Variants in HLA-B observed in about 807,000 individuals in gnomAD.
HLA-B encodes HLA class I antigen HLA-B.
A neutral mutation model predicts 41.5 loss-of-function variants in HLA-B; 31 were observed. The observed-to-expected ratio is 0.75, with a 90% CI of 0.56 to 1.01. The LOEUF is 1.01. Among genes scored for constraint, HLA-B ranks in the 50% least tolerant of loss-of-function variants. The pLI is 0.00. For missense variants in HLA-B, 369 were observed against 457.2 expected, an observed-to-expected ratio of 0.81 and a Z score of 1.76; for synonymous variants, 138 against 189.0, an observed-to-expected ratio of 0.73 and a Z score of 2.21.
chr6:31,354,515 C>T lies in HLA-B; in HGVS notation c.1057G>A (p.Ala353Thr). Residue 353 changes from alanine to threonine, a missense_variant, in exon 7 of 8, where the codon GCC (alanine) becomes ACC (threonine). Physicochemically the swap from Ala to Thr is moderately conservative, Grantham distance 58. Coordinates refer to ENST00000412585, the MANE Select transcript of HLA-B (RefSeq NM_005514.8). ...GTGAGAGACACATCAGAGCCCTGGG[C>T]ACTGTCGCTGCCTGGAGTAGAACAA... Reference protein sequence around the residue: ...SYSQAACSDSAQGSDVSLTA With the variant: ...SYSQAACSDSTQGSDVSLTA The T allele has an allele frequency of 7.7e-7, 1 of 1,296,726 alleles. No homozygotes were observed. The highest frequency in any genetic ancestry group is 1.0e-6 in the Non-Finnish European group (1 of 993,000). The allele number at this position is 1,296,726 out of a possible 1,614,324, so 80.3% of individuals were successfully genotyped here.
intron 7 of HLA-B, 42 bp from the exon 8 acceptor site, chr6:31,354,338 G>A: frequency 1.9e-6 from 1 of 533,996 alleles, no homozygotes; most frequent in Non-Finnish European, 3.5e-6. Flanking sequence ...GGTTAGTCAT[G>A]GTAAGCGATG....
chr6:31,354,440 A>AACCCCCCCCCCC, intron 7 of HLA-B, 39 bp downstream of exon 7: 2 of 308,260 alleles, frequency 6.5e-6, no homozygotes, highest in Non-Finnish European at 1.1e-5. Context: ...CCACCCCCAG[A>AACCCCCCCCCCC]CCCGCCACCC....
chr6:31,354,149 G>A lies in HLA-B; in HGVS notation c.*152C>T. On this transcript the variant is annotated 3_prime_UTR_variant, in exon 8 of 8. Transcript: ENST00000412585. ...GTCACAGTGGACACAAGGGTGGGCT[G>A]TCTCTCCACCTCCTCACATTATGCT... 4.1e-6 allele frequency: 2 copies of A among 484,084 alleles called. No homozygotes were observed. Among genetic ancestry groups the A allele is most frequent in the South Asian group, 3.9e-5 (2 of 51,774 alleles). The allele number at this position is 484,084 out of a possible 1,614,324, so 30.0% of individuals were successfully genotyped here.
At position 31,355,585 on chromosome 6, in the gene HLA-B, T is replaced by TGG; in HGVS notation, c.625_626dup (p.Lys210GlnfsTer5). 7.3e-7 allele frequency: 1 copy of TGG among 1,377,382 alleles called. No individual in the cohort carries two copies. The highest frequency in any genetic ancestry group is 9.8e-7 in the Non-Finnish European group (1 of 1,016,620). The allele number at this position is 1,377,382 out of a possible 1,614,324, so 85.3% of individuals were successfully genotyped here. A position where few individuals can be genotyped will look rare whatever the true frequency, so the allele number is the denominator to read the frequency against. On this transcript the variant is annotated frameshift_variant, in exon 4 of 8. Transcript: ENST00000412585. LOFTEE classifies it high-confidence loss of function. ...TGGGGTGGTGGGTCACGTGTGTCTTTGGGGGGTCTGATGGGAAGAGTCAGA... is the reference window on the plus strand; with the variant it reads ...TGGGGTGGTGGGTCACGTGTGTCTTTGGGGGGGGTCTGATGGGAAGAGTCAGA...
At position 31,357,162 on chromosome 6, in the gene HLA-B, G is replaced by C. The variant is rs190427310; in HGVS notation, c.-4C>G. On this transcript the variant is annotated 5_prime_UTR_variant, in exon 1 of 8. Coordinates refer to ENST00000412585, the MANE Select transcript of HLA-B (RefSeq NM_005514.8). ...TTCGGGGCGCCATGACCAGCATCTC[G>C]GCGTCTGAGGAGACTCTGAGTCCGG... 8.6e-3 allele frequency: 7,484 copies of C among 871,926 alleles called. 3,192 individuals carry two copies. The Admixed American group carries it at 0.24, about 28-fold the overall frequency. The allele number at this position is 871,926 out of a possible 1,614,324, so 54.0% of individuals were successfully genotyped here.
intron 3 of HLA-B, 159 bp from the exon 4 acceptor site, chr6:31,355,751 C>T: frequency 4.2e-6 from 3 of 711,542 alleles, no homozygotes; most frequent in Non-Finnish European, 7.2e-6. Context: ...GGATAATCTC[C>T]TATTCATTGG....
intron 5 of HLA-B, 49 bp downstream of exon 5, chr6:31,355,058 C>G (rs553106362): frequency 1.5e-6 from 1 of 675,348 alleles, no homozygotes; most frequent in African/African-American, 3.6e-5. Context: ...GGCTTGAAAC[C>G]CCCAGTGGGA....
intron 2 of HLA-B, 35 bp downstream of exon 2, chr6:31,356,653 A>AGGT: frequency 7.2e-7 from 1 of 1,380,428 alleles, no homozygotes; most frequent in Non-Finnish European, 9.7e-7. Context: ...GGGGATGGGG[A>AGGT]GTCGTGACCT....
In HLA-B at chr6:31,355,144, A is replaced by G. The variant is rs753723124; in HGVS notation, c.975T>C (p.Ala325=). 308 of 1,170,722 alleles carry G rather than the reference A, an allele frequency of 2.6e-4. 58 individuals carry two copies. Among genetic ancestry groups the G allele is most frequent in the Non-Finnish European group, 3.2e-4 (294 of 917,266 alleles). 72.5% of individuals were successfully genotyped at this position (1,170,722 alleles called of 1,614,324 possible). ...LAVLAVVVIG[A]VVAAVMCRRK... is the part of the protein sequence containing the mutation. The stretch of plus-strand genomic sequence containing the variant: ...TCCTACACATCACAGCAGCGACCAC[A>G]GCTCCGATGACCACAACTGCTAGGA... Residue 325 remains alanine (A), a synonymous_variant, in exon 5 of 8, where the codon GCT becomes GCC. Transcript: ENST00000412585.
At position 31,354,930 on chromosome 6, in the gene HLA-B, C is replaced by T. The variant is rs41552719; in HGVS notation, c.1012+177G>A. On this transcript the variant is annotated intron_variant, in intron 5 of 7. Transcript: ENST00000412585. Reference sequence around the variant, plus strand: ...CAACCATCAAGGTGATACATCCATCCTTCATTGTCACATGTGCTGCACAAA... The same window carrying T: ...CAACCATCAAGGTGATACATCCATCTTTCATTGTCACATGTGCTGCACAAA... 116 of 323,568 alleles carry T rather than the reference C, an allele frequency of 3.6e-4. 3 individuals are homozygous for T. The Middle Eastern group carries it at 4.3e-3, about 12-fold the overall frequency. The allele number at this position is 323,568 out of a possible 1,614,324, so 20.0% of individuals were successfully genotyped here.
At chr6:31,354,334 T>C (rs1766683413) in intron 7 of HLA-B, 38 bp from the exon 8 acceptor site, 2 of 534,578 alleles carry the variant, frequency 3.7e-6, no homozygotes, top group Admixed American at 5.4e-5. Context: ...TTCTGGTTAG[T>C]CATGGTAAGC....
chr6:31,354,193 T>C lies in HLA-B; in HGVS notation c.*108A>G. The C allele has an allele frequency of 1.7e-6, 1 of 596,768 alleles. No individual in the cohort carries two copies. The highest frequency in any genetic ancestry group is 3.4e-5 in the East Asian group (1 of 29,476). 37.0% of individuals were successfully genotyped at this position (596,768 alleles called of 1,614,324 possible). A position where few individuals can be genotyped will look rare whatever the true frequency, so the allele number is the denominator to read the frequency against. Reference sequence around the variant, plus strand: ...TTATGCTAACAGGGACGCAGACACATTCAGGTGCCTTTGCAGAAAGAGATG... The same window carrying C: ...TTATGCTAACAGGGACGCAGACACACTCAGGTGCCTTTGCAGAAAGAGATG... On this transcript the variant is annotated 3_prime_UTR_variant, in exon 8 of 8. Coordinates refer to ENST00000412585, the MANE Select transcript of HLA-B (RefSeq NM_005514.8).
rs777960981 is a variant in HLA-B, at chr6:31,354,690, G to A, written c.1013-25C>T. 7 of 1,223,892 alleles carry A rather than the reference G, an allele frequency of 5.7e-6. 1 individual carries two copies. The African/African-American group carries it at 1.2e-4, about 21-fold the overall frequency. The allele number at this position is 1,223,892 out of a possible 1,614,324, so 75.8% of individuals were successfully genotyped here. A position where few individuals can be genotyped will look rare whatever the true frequency, so the allele number is the denominator to read the frequency against. ...CCTGTGGGAAGAAAATGTCCTGTGA[G>A]GGCACTGGGAGGAAGCAGGGCCATG... is the stretch of plus-strand genomic sequence containing the variant. On this transcript the variant is annotated intron_variant, in intron 5 of 7. Transcript: ENST00000412585.
At chr6:31,355,816 G>A in intron 3 of HLA-B, 1 of 668,642 alleles carries the variant, frequency 1.5e-6, no homozygotes, top group Non-Finnish European at 2.7e-6. Flanking sequence ...TCTGAGTGGA[G>A]GTAAAGTGAC....
intron 7 of HLA-B, 47 bp downstream of exon 7, chr6:31,354,431 CA>C (rs1766702277): frequency 1.6e-3 from 574 of 361,740 alleles, no homozygotes; most frequent in South Asian, 2.7e-3. Context: ...CTGCCCCACC[CA>C]CCCCCAGACC....
At position 31,355,582 on chromosome 6, in the gene HLA-B, CT is replaced by C; in HGVS notation, c.629del (p.Lys210ArgfsTer4). 1 of 1,381,122 alleles carries C rather than the reference CT, an allele frequency of 7.2e-7. No individual in the cohort carries two copies. 85.6% of individuals were successfully genotyped at this position (1,381,122 alleles called of 1,614,324 possible). A position where few individuals can be genotyped will look rare whatever the true frequency, so the allele number is the denominator to read the frequency against. ...AGATGGGGTGGTGGGTCACGTGTGTCTTTGGGGGGTCTGATGGGAAGAGTCA... is the reference window on the plus strand; with the variant it reads ...AGATGGGGTGGTGGGTCACGTGTGTCTTGGGGGGTCTGATGGGAAGAGTCA... ...KDKLERADPP[K>X]THVTHHPISD... On this transcript the variant is annotated frameshift_variant, in exon 4 of 8. Coordinates refer to ENST00000412585, the MANE Select transcript of HLA-B (RefSeq NM_005514.8). LOFTEE classifies it high-confidence loss of function.
At chr6:31,356,096 T>TTC in intron 3 of HLA-B, 71 bp downstream of exon 3, 1 of 1,264,886 alleles carries the variant, frequency 7.9e-7, no homozygotes, top group Non-Finnish European at 1.0e-6. Flanking sequence ...CCCATTTTCC[T>TTC]CCTCTTCTCG....
chr6:31,357,139 C>CG lies in HLA-B; in HGVS notation c.19dup (p.Arg7ProfsTer92). On this transcript the variant is annotated frameshift_variant, in exon 1 of 8. Coordinates refer to ENST00000412585, the MANE Select transcript of HLA-B (RefSeq NM_005514.8). LOFTEE classifies it high-confidence loss of function. ...CGCCGAGAGCAGCAGGAGGACGGTT[C>CG]GGGGCGCCATGACCAGCATCTCGGC... 1.1e-6 allele frequency: 1 copy of CG among 884,664 alleles called. No homozygotes were observed. The highest frequency in any genetic ancestry group is 1.5e-6 in the Non-Finnish European group (1 of 687,334). The allele number at this position is 884,664 out of a possible 1,614,324, so 54.8% of individuals were successfully genotyped here.
In HLA-B at chr6:31,356,959, T is replaced by TG. The variant is rs371250843; in HGVS notation, c.74-3dup. The TG allele has an allele frequency of 2.1e-6, 2 of 955,864 alleles. No individual in the cohort carries two copies. Among genetic ancestry groups the TG allele is most frequent in the African/African-American group, 3.0e-5 (1 of 33,114 alleles). 59.2% of individuals were successfully genotyped at this position (955,864 alleles called of 1,614,324 possible). On this transcript the variant is annotated splice_region_variant and splice_polypyrimidine_tract_variant and intron_variant, in intron 1 of 7. Transcript: ENST00000412585. ...AGAAATACCTCATGGAGTGGGAGCC[T>TG]GGGGGTGAGGAGGGGCTGAGACCCG...
Sources: allele counts gnomAD v4.1 joint callset, GRCh38; gene constraint gnomAD v4.1.1; transcripts MANE v1.5; gene names NCBI Gene and HGNC (gene_info 2026-07-23, HGNC 2026-07-21).